The following POLR3E variants were observed in gnomAD, a reference collection of about 807,000 sequenced individuals.
The protein encoded by POLR3E is DNA-directed RNA polymerase III subunit RPC5.
Under a neutral mutation model 96.6 loss-of-function variants are expected in POLR3E, and 41 were observed. The ratio of observed to expected loss-of-function variants is 0.42; its 90% CI spans 0.33 to 0.55. The LOEUF is 0.55. Ranked by LOEUF, POLR3E falls within the 20% of genes least tolerant of loss-of-function variation. The probability of loss-of-function intolerance (pLI) is 0.06; values close to 1 mark genes in which losing one functional copy is unlikely to be tolerated. For synonymous variants in POLR3E, 396 were observed against 383.6 expected (o/e 1.03, Z -0.38); for missense variants, 849 against 952.1 (o/e 0.89, Z 1.43).
At chr16:22,324,812 G>C (rs2048545186) in intron 16 of POLR3E, 152 bp downstream of exon 16, 2 of 805,882 alleles carry the variant, frequency 2.5e-6, no homozygotes, top group Non-Finnish European at 4.1e-6. Flanking sequence ...GGGCAGGTGG[G>C]GGTCCGCAGG....
At chr16:22,319,028 G>C (rs2048417317) in intron 13 of POLR3E, 82 bp downstream of exon 13, 2 of 1,057,222 alleles carry the variant, frequency 1.9e-6, no homozygotes, top group African/African-American at 3.2e-5. Context: ...AGGCTGGTGT[G>C]TAGTGGCGCA....
intron 19 of POLR3E, among the ~76,000 whole-genome samples, chr16:22,330,508 C>T (rs1026240333): frequency 6.6e-6 from 1 of 152,196 alleles, no homozygotes; most frequent in African/African-American, 2.4e-5. Context: ...TCACTGCTTC[C>T]TGTTTTCACT....
chr16:22,298,412 G>C (rs2047941748), intron 1 of POLR3E, among the ~76,000 whole-genome samples: 2 of 152,184 alleles, frequency 1.3e-5, no homozygotes. Context: ...CTTCCCAGAG[G>C]TTACGTTTAT....
chr16:22,304,663 C>T (rs1428814578), intron 2 of POLR3E, among the ~76,000 whole-genome samples: 3 of 147,252 alleles, frequency 2.0e-5, no homozygotes, highest in East Asian at 2.2e-4. Flanking sequence ...TGCTGCGTGG[C>T]GGGGTGGGGG....
Position 22,325,767 on chromosome 16 carries a change from C to A in POLR3E, c.1355C>A (p.Ala452Asp). The change falls in exon 18 of 21, where the codon GCC becomes GAC. Residue 452 changes from alanine to aspartate, a missense_variant. By Grantham distance (126) the Ala-to-Asp change is moderately radical. Coordinates refer to ENST00000299853, the MANE Select transcript of POLR3E (RefSeq NM_018119.4). ...GCTGCCTCCCTCCCCGCAGGGCCTG[C>A]CGGGCTGGTCTGTGGGGACCAGCGG... ...PKKPDAQSGPAGLVCGDQRIQ... is the reference protein window; with the variant it reads ...PKKPDAQSGPDGLVCGDQRIQ... The A allele has an allele frequency of 6.4e-7, 1 of 1,559,082 alleles. No individual in the cohort carries two copies. Among genetic ancestry groups the A allele is most frequent in the East Asian group, 2.3e-5 (1 of 44,426 alleles).
Position 22,326,143 on chromosome 16 carries a change from G to A in POLR3E, c.1731G>A (p.Thr577=), listed in dbSNP as rs756226680. Reference sequence around the variant, plus strand: ...CCTTTCAGAGACAGTTTGTGCTCACGCTGAGCGAACTCAAGCGCCTCTTCA... The same window carrying A: ...CCTTTCAGAGACAGTTTGTGCTCACACTGAGCGAACTCAAGCGCCTCTTCA... ...EATFQRQFVL[T]LSELKRLFNL... The change falls in exon 18 of 21, where the codon ACG becomes ACA. Residue 577 remains threonine, a synonymous_variant. Coordinates refer to ENST00000299853, the MANE Select transcript of POLR3E (RefSeq NM_018119.4). 8.7e-6 allele frequency: 14 copies of A among 1,613,866 alleles called. No homozygotes were observed. The highest frequency in any genetic ancestry group is 4.0e-5 in the African/African-American group (3 of 74,934).
chr16:22,326,574 C>A, intron 18 of POLR3E: 1 of 511,980 alleles, frequency 2.0e-6, no homozygotes, highest in East Asian at 3.5e-5. Context: ...GGTTTCTCAC[C>A]CTGTCCCCCA....
intron 12 of POLR3E, 82 bp downstream of exon 12, chr16:22,317,288 A>G (rs1275864954): frequency 9.8e-7 from 1 of 1,015,690 alleles, no homozygotes; most frequent in African/African-American, 1.6e-5. Flanking sequence ...AGTGAGGACC[A>G]GGGGACAAGG....
Position 22,324,423 on chromosome 16 carries a change from G to T in POLR3E, c.1128+10G>T. ...GGCAACCGTGACCAAAGTAAGTGGC[G>T]TTTTTGTGGTCTGAGGCCCAGGCTG... On this transcript the variant is annotated intron_variant, in intron 15 of 20. Coordinates refer to ENST00000299853, the MANE Select transcript of POLR3E (RefSeq NM_018119.4). 6.2e-7 allele frequency: 1 copy of T among 1,612,076 alleles called. No homozygotes were observed. The highest frequency in any genetic ancestry group is 8.5e-7 in the Non-Finnish European group (1 of 1,179,126).
At chr16:22,329,394 G>A (rs1195297356) in intron 19 of POLR3E, among the ~76,000 whole-genome samples, 1 of 152,216 alleles carries the variant, frequency 6.6e-6, no homozygotes, top group Non-Finnish European at 1.5e-5. Context: ...CCTTGCGTGT[G>A]TGTGGTGTAG....
chr16:22,308,118 T>C, intron 3 of POLR3E, 30 bp from the exon 4 acceptor site: 2 of 1,571,424 alleles, frequency 1.3e-6, no homozygotes, highest in Non-Finnish European at 1.8e-6. Context: ...CTGGGCAGAG[T>C]GGACTTAATG....
chr16:22,330,644 C>T (rs1456385290), intron 19 of POLR3E, among the ~76,000 whole-genome samples: 1 of 152,178 alleles, frequency 6.6e-6, no homozygotes, highest in African/African-American at 2.4e-5. Context: ...TTGCTGAATT[C>T]TGGAATCTCT....
rs1440134704 is a variant in POLR3E, at chr16:22,315,220, T to A, written c.642+12T>A. 1.9e-6 allele frequency: 3 copies of A among 1,574,770 alleles called. No homozygotes were observed. Among genetic ancestry groups the A allele is most frequent in the African/African-American group, 1.4e-5 (1 of 74,018 alleles). On this transcript the variant is annotated intron_variant, in intron 9 of 20. Coordinates refer to ENST00000299853, the MANE Select transcript of POLR3E (RefSeq NM_018119.4). ...ACTATGGCCTGAGGGTGAGCGGGGC[T>A]TCGTGGGGTCCTGGGGGAAACACCT...
intron 20 of POLR3E, 138 bp downstream of exon 20, chr16:22,332,323 C>T: frequency 1.4e-6 from 1 of 736,168 alleles, no homozygotes; most frequent in South Asian, 1.9e-5. Context: ...TTGTCTTGAG[C>T]AACTGTTAAT....
At chr16:22,317,363 C>A (rs768840256) in intron 12 of POLR3E, among the ~76,000 whole-genome samples, 157 bp downstream of exon 12, 3 of 152,238 alleles carry the variant, frequency 2.0e-5, no homozygotes, top group African/African-American at 7.2e-5. Flanking sequence ...GGAAAGATAA[C>A]GCAGGACGGC....
chr16:22,324,714 CCTGGGGAG>C lies in POLR3E; in HGVS notation c.1286+56_1286+63del, dbSNP rs1396635266. ...CCCGGTGATCCCAGCAACCCTGCAT[CCTGGGGAG>C]CACTGTCAGGGTGGATCCGAGCAAT... On this transcript the variant is annotated intron_variant, in intron 16 of 20. Transcript: ENST00000299853. 6.1e-5 allele frequency: 96 copies of C among 1,572,406 alleles called. No individual in the cohort carries two copies. The East Asian group carries it at 9.4e-4, about 15-fold the overall frequency.
In POLR3E at chr16:22,305,637, C is replaced by T; in HGVS notation, c.87+431C>T. 1.9e-5 allele frequency: 7 copies of T among 366,368 alleles called. 1 individual carries two copies. The highest frequency in any genetic ancestry group is 1.4e-4 in the South Asian group (7 of 48,870). The allele number at this position is 366,368 out of a possible 1,614,324, so 22.7% of individuals were successfully genotyped here. ...ATGCCGCCTGGCAGAGAGTTGGTGC[C>T]AGTGATGATGGCCGCTGTTGTCATG... On this transcript the variant is annotated intron_variant, in intron 3 of 20. Coordinates refer to ENST00000299853, the MANE Select transcript of POLR3E (RefSeq NM_018119.4).
chr16:22,333,551 A>G, intron 20 of POLR3E, 93 bp from the exon 21 acceptor site: 6 of 878,858 alleles, frequency 6.8e-6, no homozygotes, highest in Non-Finnish European at 1.2e-5. Flanking sequence ...TATTCTATTC[A>G]CTAATCATAA....
intron 2 of POLR3E, 90 bp from the exon 3 acceptor site, chr16:22,305,066 C>G: frequency 1.0e-6 from 1 of 972,706 alleles, no homozygotes; most frequent in Middle Eastern, 2.3e-4. Flanking sequence ...TGAGCCACTG[C>G]CCTTAACTGA....
Sources: allele counts gnomAD v4.1 joint callset (sites outside exome capture counted in the v4.1 genomes callset), GRCh38; gene constraint gnomAD v4.1.1; transcripts MANE v1.5; gene names NCBI Gene and HGNC (gene_info 2026-07-23, HGNC 2026-07-21).